Variants in LHFPL3 observed in about 807,000 individuals in gnomAD.
The protein encoded by LHFPL3 is LHFPL tetraspan subfamily member 3 protein.
LHFPL3 carries 5 observed loss-of-function variants against 19.3 expected under a neutral mutation model. The observed-to-expected ratio is 0.26, with a 90% CI of 0.14 to 0.54. The LOEUF (loss-of-function observed/expected upper bound fraction) is 0.54, where lower values mean the gene tolerates loss of function less well. Ranked by LOEUF, LHFPL3 falls within the 20% of genes least tolerant of loss-of-function variation. The pLI, the probability that LHFPL3 is intolerant of heterozygous loss-of-function variation, is 0.94. For missense variants in LHFPL3, 249 were observed against 307.4 expected, an observed-to-expected ratio of 0.81 and a Z score of 1.42; for synonymous variants, 133 against 126.2, an observed-to-expected ratio of 1.05 and a Z score of -0.36.
At chr7:104,769,140 T>G (rs753887362) in intron 2 of LHFPL3, 11 of 152,232 alleles carry the variant, frequency 7.2e-5, no homozygotes, top group Non-Finnish European at 1.3e-4. Context: ...CCTTCTGGCT[T>G]CATGTTATCT....
chr7:104,830,741 T>C (rs994329612), intron 2 of LHFPL3, among the ~76,000 whole-genome samples: 4 of 152,010 alleles, frequency 2.6e-5, no homozygotes, highest in East Asian at 1.9e-4. Context: ...TGTAGCCTTG[T>C]AGTATAGTTT....
intron 1 of LHFPL3, among the ~76,000 whole-genome samples, chr7:104,549,307 T>C (rs978866049): frequency 1.3e-5 from 2 of 152,064 alleles, no homozygotes; most frequent in African/African-American, 4.8e-5. Flanking sequence ...TGAGAATATA[T>C]ATATATATAT....
chr7:104,628,642 T>G (rs1206097758), intron 1 of LHFPL3, among the ~76,000 whole-genome samples: 8 of 152,252 alleles, frequency 5.3e-5, no homozygotes, highest in Non-Finnish European at 1.5e-5. Flanking sequence ...ATTTTGCATG[T>G]GCAGAATGGC....
intron 2 of LHFPL3, among the ~76,000 whole-genome samples, chr7:104,831,476 G>T (rs1329387085): frequency 6.6e-6 from 1 of 151,936 alleles, no homozygotes; most frequent in Non-Finnish European, 1.5e-5. Context: ...GTCAATTTAT[G>T]TGAAACCACA....
At position 104,374,208 on chromosome 7, in the gene LHFPL3, A is replaced by ATGTGTGTGTG. The variant is rs1006955104; in HGVS notation, c.445+45008_445+45017dup. On this transcript the variant is annotated intron_variant, in intron 1 of 2. Coordinates refer to ENST00000424859, the MANE Select transcript of LHFPL3 (RefSeq NM_199000.3). The stretch of plus-strand genomic sequence containing the variant: ...CTATTATCTATCTATCTATCTATAT[A>ATGTGTGTGTG]TGTGTGTGTGTGTGTGTGTGTGTGT... 2.6e-3 allele frequency among the ~76,000 whole-genome samples: 382 copies of ATGTGTGTGTG among 147,154 alleles called. 6 individuals carry two copies. The East Asian group carries it at 0.054, about 21-fold the overall frequency.
intron 1 of LHFPL3, among the ~76,000 whole-genome samples, chr7:104,434,223 G>A (rs1322130485): frequency 6.6e-6 from 1 of 152,200 alleles, no homozygotes; most frequent in Non-Finnish European, 1.5e-5. Flanking sequence ...CCAGGAAACT[G>A]GTATGATAGA....
intron 2 of LHFPL3, among the ~76,000 whole-genome samples, chr7:104,863,034 T>G (rs1401505451): frequency 6.6e-6 from 1 of 152,238 alleles, no homozygotes; most frequent in East Asian, 1.9e-4. Flanking sequence ...TACACAGAGC[T>G]GGAGTGATCC....
chr7:104,415,799 G>C (rs1037758642), intron 1 of LHFPL3, among the ~76,000 whole-genome samples: 1 of 151,932 alleles, frequency 6.6e-6, no homozygotes, highest in African/African-American at 2.4e-5. Flanking sequence ...AAGGACATTA[G>C]AGTAGCTTCT....
intron 2 of LHFPL3, among the ~76,000 whole-genome samples, chr7:104,868,652 A>C (rs1291542166): frequency 6.6e-6 from 1 of 152,164 alleles, no homozygotes; most frequent in African/African-American, 2.4e-5. Flanking sequence ...CATACTGCCC[A>C]AGGTAATTTA....
intron 1 of LHFPL3, among the ~76,000 whole-genome samples, chr7:104,557,179 C>T (rs1190547881): frequency 5.9e-5 from 9 of 152,196 alleles, no homozygotes; most frequent in African/African-American, 1.7e-4. Flanking sequence ...GTCGCTTTCA[C>T]ATTTTCAGGT....
intron 1 of LHFPL3, among the ~76,000 whole-genome samples, chr7:104,708,733 T>G (rs368759308): frequency 6.6e-6 from 1 of 152,164 alleles, no homozygotes; most frequent in Non-Finnish European, 1.5e-5. Context: ...GACTCTTAGA[T>G]CTGGTTGAAA....
intron 2 of LHFPL3, chr7:104,845,354 G>A (rs995308732): frequency 2.6e-5 from 34 of 1,296,906 alleles, no homozygotes; most frequent in East Asian, 7.5e-5. Flanking sequence ...ACCTTTAACC[G>A]TTCTGTTTTT....
At chr7:104,882,900 G>A (rs921489646) in intron 2 of LHFPL3, among the ~76,000 whole-genome samples, 3 of 152,168 alleles carry the variant, frequency 2.0e-5, no homozygotes, top group Non-Finnish European at 2.9e-5. Flanking sequence ...TAGTTAAGGC[G>A]ACTGGCTGCC....
At chr7:104,750,127 C>T (rs1794134327) in intron 2 of LHFPL3, among the ~76,000 whole-genome samples, 1 of 152,162 alleles carries the variant, frequency 6.6e-6, no homozygotes, top group African/African-American at 2.4e-5. Flanking sequence ...ATTATCTGGC[C>T]CTAAGCAATG....
At chr7:104,536,305 G>C (rs1794386499) in intron 1 of LHFPL3, among the ~76,000 whole-genome samples, 1 of 152,134 alleles carries the variant, frequency 6.6e-6, no homozygotes, top group Non-Finnish European at 1.5e-5. Context: ...GTAACTCCAA[G>C]CTATGAAAAA....
At chr7:104,452,618 T>C (rs1157518814) in intron 1 of LHFPL3, among the ~76,000 whole-genome samples, 1 of 152,242 alleles carries the variant, frequency 6.6e-6, no homozygotes, top group East Asian at 1.9e-4. Flanking sequence ...TTTCATATGT[T>C]AATTAAGCAT....
rs183420072 is a variant in LHFPL3 at position 104,630,487 on chromosome 7, G to T, written c.446-106188G>T. Among the ~76,000 whole-genome samples, 659 of 152,270 alleles carry T rather than the reference G, an allele frequency of 4.3e-3. 5 individuals are homozygous for T. Among genetic ancestry groups the T allele is most frequent in the Middle Eastern group, 0.014 (4 of 294 alleles). ...ACAAGAAAAAAAATATGAAAAGTGG[G>T]ATTTCTGAAATGGTGAAGCTGCATA... is the stretch of plus-strand genomic sequence containing the variant. On this transcript the variant is annotated intron_variant, in intron 1 of 2. Coordinates refer to ENST00000424859, the MANE Select transcript of LHFPL3 (RefSeq NM_199000.3).
intron 1 of LHFPL3, among the ~76,000 whole-genome samples, chr7:104,630,709 T>C (rs1791623936): frequency 2.0e-5 from 3 of 152,168 alleles, no homozygotes; most frequent in Admixed American, 2.0e-4. Flanking sequence ...AAGGTCCAAT[T>C]ATAGCAGAAA....
intron 1 of LHFPL3, among the ~76,000 whole-genome samples, chr7:104,357,319 G>T (rs1584264233): frequency 6.6e-6 from 1 of 152,294 alleles, no homozygotes; most frequent in South Asian, 2.1e-4. Flanking sequence ...AATTTTGACA[G>T]CCAGCTACCA....
Sources: gnomAD v4.1 joint callset for allele counts (sites outside exome capture counted in the v4.1 genomes callset) on GRCh38, gnomAD v4.1.1 for gene constraint, MANE v1.5 for transcripts, NCBI Gene and HGNC (gene_info 2026-07-23, HGNC 2026-07-21) for gene names.